The following KAZN variants were observed in gnomAD, a reference collection of about 807,000 sequenced individuals.
The protein encoded by KAZN is kazrin, periplakin interacting protein.
In KAZN, 40 loss-of-function variants were observed where a neutral mutation model predicts 87.4. The ratio of observed to expected loss-of-function variants is 0.46; its 90% CI spans 0.36 to 0.60. KAZN has a LOEUF of 0.60. KAZN is among the 20% of genes least tolerant of loss of function. The pLI, the probability that KAZN is intolerant of heterozygous loss-of-function variation, is 0.00. For missense variants in KAZN, 898 were observed against 1,073.9 expected, an observed-to-expected ratio of 0.84 and a Z score of 2.29; for synonymous variants, 466 against 458.3, an observed-to-expected ratio of 1.02 and a Z score of -0.22.
intron 1 of KAZN, among the ~76,000 whole-genome samples, chr1:13,915,238 A>T (rs1639803619): frequency 6.6e-6 from 1 of 152,178 alleles, no homozygotes; most frequent in Admixed American, 6.5e-5. Context: ...AAACCAAAAA[A>T]ATCTTAGCAA....
chr1:15,049,781 T>C (rs1189303539), intron 4 of KAZN, among the ~76,000 whole-genome samples: 1 of 152,044 alleles, frequency 6.6e-6, no homozygotes, highest in Non-Finnish European at 1.5e-5. Context: ...CCCAGCACTT[T>C]GGGGAGGCCG....
At chr1:14,465,181 C>A (rs1390531195) in intron 2 of KAZN, among the ~76,000 whole-genome samples, 1 of 151,746 alleles carries the variant, frequency 6.6e-6, no homozygotes, top group Non-Finnish European at 1.5e-5. Flanking sequence ...AGGTGGATCA[C>A]GAGGTCAGGA....
At chr1:14,354,520 C>A (rs1658828118) in intron 2 of KAZN, among the ~76,000 whole-genome samples, 1 of 152,114 alleles carries the variant, frequency 6.6e-6, no homozygotes, top group Admixed American at 6.6e-5. Context: ...GCAGACAGTT[C>A]ATAAAAGACG....
At chr1:14,889,215 T>C (rs972726712) in intron 1 of KAZN, among the ~76,000 whole-genome samples, 1 of 152,176 alleles carries the variant, frequency 6.6e-6, no homozygotes, top group African/African-American at 2.4e-5. Flanking sequence ...ACATCTGCCA[T>C]TGATGGGAGA....
At chr1:14,755,706 G>C (rs1644543514) in intron 1 of KAZN, among the ~76,000 whole-genome samples, 1 of 152,186 alleles carries the variant, frequency 6.6e-6, no homozygotes, top group Admixed American at 6.5e-5. Context: ...GACACCCTCT[G>C]TGCCCAGGGC....
chr1:14,277,536 C>G (rs554913155), intron 2 of KAZN, among the ~76,000 whole-genome samples: 2 of 151,916 alleles, frequency 1.3e-5, no homozygotes, highest in African/African-American at 2.4e-5. Flanking sequence ...TGGTGGCAGG[C>G]GCCTGTAATC....
intron 1 of KAZN, among the ~76,000 whole-genome samples, chr1:14,163,370 CTT>C (rs1210869216): frequency 2.0e-5 from 3 of 152,118 alleles, no homozygotes; most frequent in Non-Finnish European, 2.9e-5. Context: ...TTTCTTCTCT[CTT>C]GATTTTTTTC....
chr1:14,830,375 A>T (rs1159689926), intron 1 of KAZN, among the ~76,000 whole-genome samples: 1 of 152,204 alleles, frequency 6.6e-6, no homozygotes, highest in African/African-American at 2.4e-5. Flanking sequence ...CCCTGAATGT[A>T]TCACAGAGAA....
At chr1:13,913,992 C>T (rs1639747919) in intron 1 of KAZN, among the ~76,000 whole-genome samples, 1 of 152,236 alleles carries the variant, frequency 6.6e-6, no homozygotes, top group Non-Finnish European at 1.5e-5. Context: ...CCTGCTCAAT[C>T]AGAGACTCTG....
intron 1 of KAZN, among the ~76,000 whole-genome samples, chr1:14,786,675 C>G (rs887471616): frequency 3.3e-5 from 5 of 152,208 alleles, no homozygotes; most frequent in African/African-American, 1.2e-4. Flanking sequence ...TCCCGACTCA[C>G]TGAATCAGGA....
At chr1:14,710,637 T>C (rs1428184064) in intron 1 of KAZN, among the ~76,000 whole-genome samples, 1 of 152,222 alleles carries the variant, frequency 6.6e-6, no homozygotes, top group Non-Finnish European at 1.5e-5. Context: ...CAGCATGGAT[T>C]GATCCTCACT....
intron 1 of KAZN, among the ~76,000 whole-genome samples, chr1:13,897,484 T>A (rs1557706830): frequency 6.6e-6 from 1 of 152,062 alleles, no homozygotes; most frequent in Non-Finnish European, 1.5e-5. Flanking sequence ...ACTCTCAGGC[T>A]CATACATGTA....
At chr1:14,016,825 C>T (rs974150884) in intron 1 of KAZN, among the ~76,000 whole-genome samples, 5 of 152,004 alleles carry the variant, frequency 3.3e-5, no homozygotes, top group Non-Finnish European at 7.4e-5. Flanking sequence ...AACAGAGAAG[C>T]GGGGATTTGC....
chr1:14,276,212 CAAGTT>C (rs1290591637), intron 2 of KAZN, among the ~76,000 whole-genome samples: 24 of 149,102 alleles, frequency 1.6e-4, no homozygotes, highest in African/African-American at 5.7e-4. Flanking sequence ...TATCCTTTAT[CAAGTT>C]AAGGAAATTC....
intron 2 of KAZN, among the ~76,000 whole-genome samples, chr1:14,548,158 C>T (rs1001603900): frequency 1.3e-5 from 2 of 151,254 alleles, no homozygotes; most frequent in African/African-American, 4.9e-5. Context: ...TGCAGGCCAC[C>T]GATTTGTACA....
At chr1:14,208,448 G>A (rs1378962948) in intron 2 of KAZN, among the ~76,000 whole-genome samples, 10 of 151,988 alleles carry the variant, frequency 6.6e-5, no homozygotes, top group Non-Finnish European at 1.2e-4. Flanking sequence ...TTATTTACTG[G>A]GCATTTATTA....
chr1:14,709,527 C>G (rs1389220903), intron 1 of KAZN, among the ~76,000 whole-genome samples: 1 of 152,088 alleles, frequency 6.6e-6, no homozygotes, highest in African/African-American at 2.4e-5. Context: ...CTAAGAAGGA[C>G]CAAGTGCTTC....
chr1:14,195,870 A>T (rs1005091961), intron 2 of KAZN, among the ~76,000 whole-genome samples: 2 of 152,152 alleles, frequency 1.3e-5, no homozygotes, highest in African/African-American at 4.8e-5. Context: ...TAGGCGGGAG[A>T]GATAAAAACA....
intron 1 of KAZN, among the ~76,000 whole-genome samples, chr1:14,611,889 C>T (rs1273843811): frequency 6.6e-6 from 1 of 152,104 alleles, no homozygotes; most frequent in Non-Finnish European, 1.5e-5. Context: ...AGGCTTTGGG[C>T]ACCATAAAAT....
Sources: allele counts gnomAD v4.1 joint callset (sites outside exome capture counted in the v4.1 genomes callset), GRCh38; gene constraint gnomAD v4.1.1; transcripts MANE v1.5; gene names NCBI Gene and HGNC (gene_info 2026-07-23, HGNC 2026-07-21).